Variants in KSR2 observed in about 807,000 individuals in gnomAD.
The protein encoded by KSR2 is kinase suppressor of ras 2.
Under a neutral mutation model 107.8 loss-of-function variants are expected in KSR2, and 25 were observed. That is an observed-to-expected ratio of 0.23 (90% CI 0.17 to 0.32). KSR2 has a LOEUF of 0.32. Among genes scored for constraint, KSR2 ranks in the 10% least tolerant of loss-of-function variants. The pLI is 1.00. For missense variants in KSR2, 887 were observed against 1,268.9 expected (o/e 0.70, Z 4.57); for synonymous variants, 480 against 507.0 (o/e 0.95, Z 0.71).
chr12:117,597,405 T>G (rs759514118), intron 5 of KSR2, among the ~76,000 whole-genome samples: 1 of 152,214 alleles, frequency 6.6e-6, no homozygotes, highest in Non-Finnish European at 1.5e-5. Flanking sequence ...TGGGGAATCC[T>G]CCTGGATTAT....
chr12:117,899,760 AT>A (rs1416344973), intron 1 of KSR2, among the ~76,000 whole-genome samples: 1 of 152,200 alleles, frequency 6.6e-6, no homozygotes, highest in Non-Finnish European at 1.5e-5. Flanking sequence ...ATTACAACTC[AT>A]TATCTAAAAC....
chr12:117,695,924 G>T (rs76270544), intron 4 of KSR2, among the ~76,000 whole-genome samples: 2,653 of 152,212 alleles, frequency 0.017, 80 homozygotes, highest in African/African-American at 0.06. Flanking sequence ...ACTGCCATCC[G>T]TTGGCAAATG....
At chr12:117,779,556 C>T (rs1368703917) in intron 3 of KSR2, among the ~76,000 whole-genome samples, 3 of 152,178 alleles carry the variant, frequency 2.0e-5, no homozygotes, top group African/African-American at 4.8e-5. Flanking sequence ...ACTCTCATCT[C>T]GAATTGTAAT....
At chr12:117,923,198 A>T (rs1461047719) in intron 1 of KSR2, among the ~76,000 whole-genome samples, 2 of 152,194 alleles carry the variant, frequency 1.3e-5, no homozygotes, top group Non-Finnish European at 2.9e-5. Context: ...CTAAATGTTA[A>T]TGGATCAACT....
intron 1 of KSR2, among the ~76,000 whole-genome samples, chr12:117,958,812 C>T (rs1417718587): frequency 1.3e-5 from 2 of 152,120 alleles, no homozygotes; most frequent in Non-Finnish European, 2.9e-5. Flanking sequence ...CAGAGTGAGA[C>T]TCTGTCTCAA....
At chr12:117,578,061 G>A (rs934589921) in intron 7 of KSR2, among the ~76,000 whole-genome samples, 10 of 152,098 alleles carry the variant, frequency 6.6e-5, no homozygotes, top group African/African-American at 2.4e-4. Context: ...TGGGGGTGTG[G>A]AAGAGAAAGG....
intron 3 of KSR2, among the ~76,000 whole-genome samples, chr12:117,824,496 T>C (rs1202817169): frequency 2.0e-5 from 3 of 152,216 alleles, no homozygotes; most frequent in African/African-American, 7.2e-5. Context: ...ATTATATGAA[T>C]GTATTAAATT....
intron 19 of KSR2, among the ~76,000 whole-genome samples, chr12:117,468,261 G>A (rs540644874): frequency 1.3e-5 from 2 of 152,326 alleles, no homozygotes; most frequent in African/African-American, 2.4e-5. Context: ...TGCTCTACAC[G>A]TGGCCACATG....
rs187805061 is a variant in KSR2 at position 117,504,968 on chromosome 12, G to A, written c.2220-19277C>T. Among the ~76,000 whole-genome samples, 165 of 152,168 alleles carry A rather than the reference G, an allele frequency of 1.1e-3. 5 individuals are homozygous for A. In the East Asian group the frequency reaches 0.02, roughly 18 times the overall value. ...ATTATATCACTCTGTATGCCTTTGCGTATTCATAGCTTAGCTCCCACTTGT... is the reference window on the plus strand; with the variant it reads ...ATTATATCACTCTGTATGCCTTTGCATATTCATAGCTTAGCTCCCACTTGT... On this transcript the variant is annotated intron_variant, in intron 14 of 19. Coordinates refer to ENST00000339824, the MANE Select transcript of KSR2 (RefSeq NM_173598.6).
chr12:117,475,440 CT>C (rs1157183430), intron 17 of KSR2, among the ~76,000 whole-genome samples: 1 of 151,964 alleles, frequency 6.6e-6, no homozygotes, highest in African/African-American at 2.4e-5. Context: ...CTTTTTGAAA[CT>C]TTTTGCACAG....
chr12:117,865,700 T>TG (rs1893444470), intron 1 of KSR2, among the ~76,000 whole-genome samples: 1 of 152,146 alleles, frequency 6.6e-6, no homozygotes, highest in South Asian at 2.1e-4. Context: ...TGGAAGCCAG[T>TG]GACGTCATGC....
At chr12:117,545,604 A>T (rs572407549) in intron 9 of KSR2, among the ~76,000 whole-genome samples, 1 of 152,310 alleles carries the variant, frequency 6.6e-6, no homozygotes, top group African/African-American at 2.4e-5. Flanking sequence ...TATCCATTTG[A>T]TGACTGCAGG....
chr12:117,475,609 A>G (rs889294025), intron 17 of KSR2, among the ~76,000 whole-genome samples: 2 of 152,174 alleles, frequency 1.3e-5, no homozygotes, highest in East Asian at 1.9e-4. Context: ...AGCATTTATC[A>G]TACTTTGCTA....
intron 14 of KSR2, among the ~76,000 whole-genome samples, chr12:117,496,747 A>G (rs1290384220): frequency 6.6e-6 from 1 of 152,202 alleles, no homozygotes; most frequent in Non-Finnish European, 1.5e-5. Context: ...TGGTCTGCCA[A>G]AGGCCCTAAG....
intron 4 of KSR2, among the ~76,000 whole-genome samples, chr12:117,737,144 A>G (rs1887978479): frequency 6.6e-6 from 1 of 152,260 alleles, no homozygotes; most frequent in Non-Finnish European, 1.5e-5. Flanking sequence ...GTATGACTTC[A>G]AACTATTTCC....
intron 7 of KSR2, among the ~76,000 whole-genome samples, chr12:117,575,877 A>G (rs559393138): frequency 3.9e-5 from 6 of 152,332 alleles, no homozygotes; most frequent in African/African-American, 1.4e-4. Flanking sequence ...GGTGGGCACT[A>G]ATGTCACACT....
At chr12:117,648,138 T>TA (rs1451775033) in intron 5 of KSR2, among the ~76,000 whole-genome samples, 1 of 152,196 alleles carries the variant, frequency 6.6e-6, no homozygotes, top group African/African-American at 2.4e-5. Flanking sequence ...ATGGTTTTTA[T>TA]AAAAAACATT....
At chr12:117,654,340 C>T (rs2136444090) in intron 5 of KSR2, among the ~76,000 whole-genome samples, 1 of 152,336 alleles carries the variant, frequency 6.6e-6, no homozygotes, top group Non-Finnish European at 1.5e-5. Context: ...TCCACTCCTG[C>T]CATCCTGCCT....
intron 3 of KSR2, among the ~76,000 whole-genome samples, chr12:117,800,630 C>T (rs1200654773): frequency 6.6e-6 from 1 of 152,018 alleles, no homozygotes; most frequent in Non-Finnish European, 1.5e-5. Flanking sequence ...ATGTGCTGAA[C>T]GTGCAGGTTT....
Sources: allele counts gnomAD v4.1 joint callset (sites outside exome capture counted in the v4.1 genomes callset), GRCh38; gene constraint gnomAD v4.1.1; transcripts MANE v1.5; gene names NCBI Gene and HGNC (gene_info 2026-07-23, HGNC 2026-07-21).